MAP3K20: variants seen among roughly 807,000 people sequenced by gnomAD.
The protein encoded by MAP3K20 is mitogen-activated protein kinase kinase kinase 20.
Under a neutral mutation model 85.7 loss-of-function variants are expected in MAP3K20, and 40 were observed. The ratio of observed to expected loss-of-function variants is 0.47; its 90% CI spans 0.36 to 0.61. The LOEUF (loss-of-function observed/expected upper bound fraction) is 0.61. Ranked by LOEUF, MAP3K20 falls within the 20% of genes least tolerant of loss-of-function variation. The probability of loss-of-function intolerance (pLI) is 0.00; values close to 1 mark genes in which losing one functional copy is unlikely to be tolerated. For synonymous variants in MAP3K20, 325 were observed against 327.7 expected, an observed-to-expected ratio of 0.99 and a Z score of 0.09; for missense variants, 817 against 961.7, an observed-to-expected ratio of 0.85 and a Z score of 1.99.
At chr2:173,205,815 T>C (rs1219695880) in intron 9 of MAP3K20, among the ~76,000 whole-genome samples, 2 of 152,226 alleles carry the variant, frequency 1.3e-5, no homozygotes, top group African/African-American at 4.8e-5. Context: ...TAGTATTTGA[T>C]GACACAGTTG....
At chr2:173,119,216 G>A (rs920228498) in intron 2 of MAP3K20, among the ~76,000 whole-genome samples, 1 of 152,206 alleles carries the variant, frequency 6.6e-6, no homozygotes, top group Non-Finnish European at 1.5e-5. Context: ...GTTTGCAGCC[G>A]ACTGGGTGGT....
chr2:173,098,930 C>T (rs1192179807), intron 2 of MAP3K20, among the ~76,000 whole-genome samples: 2 of 152,176 alleles, frequency 1.3e-5, no homozygotes, highest in African/African-American at 4.8e-5. Flanking sequence ...TGGGAGGTAG[C>T]GCCCAGCAAT....
At chr2:173,095,059 C>T (rs1559228512) in intron 2 of MAP3K20, among the ~76,000 whole-genome samples, 1 of 152,048 alleles carries the variant, frequency 6.6e-6, no homozygotes, top group Non-Finnish European at 1.5e-5. Flanking sequence ...TCCTTTCTTC[C>T]TTTAGTCAAC....
chr2:173,124,430 C>T (rs1688384055), intron 2 of MAP3K20, among the ~76,000 whole-genome samples: 1 of 152,012 alleles, frequency 6.6e-6, no homozygotes, highest in Admixed American at 6.6e-5. Context: ...GTGACTGAGA[C>T]CTCATTGGAA....
At chr2:173,109,423 A>G (rs1475728786) in intron 2 of MAP3K20, among the ~76,000 whole-genome samples, 1 of 152,034 alleles carries the variant, frequency 6.6e-6, no homozygotes, top group Non-Finnish European at 1.5e-5. Context: ...TCACCAGTAC[A>G]TGAAACCAAT....
At chr2:173,129,997 A>G (rs959306796) in intron 2 of MAP3K20, among the ~76,000 whole-genome samples, 14 of 152,240 alleles carry the variant, frequency 9.2e-5, no homozygotes, top group African/African-American at 3.4e-4. Flanking sequence ...TTGTTTAAGG[A>G]ACCTCTAAAA....
At position 173,242,699 on chromosome 2, in the gene MAP3K20, CTTTT is replaced by C. The variant is rs68173816; in HGVS notation, c.1359+3225_1359+3228del. On this transcript the variant is annotated intron_variant, in intron 16 of 19. Coordinates refer to ENST00000375213, the MANE Select transcript of MAP3K20 (RefSeq NM_016653.3). ...TGGTCACCCATCCAGAGTAATCTTT[CTTTT>C]TTTTTTTTTTTTTTTTTTTTTAAGA... Among the ~76,000 whole-genome samples, 67 of 80,958 alleles carry C rather than the reference CTTTT, an allele frequency of 8.3e-4. 1 individual carries two copies. The highest frequency in any genetic ancestry group is 2.4e-3 in the Admixed American group (14 of 5,802). 53.1% of individuals were successfully genotyped at this position (80,958 alleles called of 152,430 possible). A position where few individuals can be genotyped will look rare whatever the true frequency, so the allele number is the denominator to read the frequency against.
chr2:173,256,843 T>C (rs188063390), intron 16 of MAP3K20, among the ~76,000 whole-genome samples: 5 of 152,206 alleles, frequency 3.3e-5, no homozygotes, highest in Non-Finnish European at 5.9e-5. Context: ...CTCCTAAATA[T>C]TTCAGTGTGC....
chr2:173,143,886 TAA>T (rs201347842), intron 2 of MAP3K20, among the ~76,000 whole-genome samples: 2 of 151,720 alleles, frequency 1.3e-5, no homozygotes, highest in Non-Finnish European at 2.9e-5. Flanking sequence ...AAAGACAATG[TAA>T]AAAAAAATTA....
chr2:173,102,720 G>A (rs1347943246), intron 2 of MAP3K20, among the ~76,000 whole-genome samples: 3 of 152,166 alleles, frequency 2.0e-5, no homozygotes, highest in African/African-American at 4.8e-5. Flanking sequence ...AGCAAGTAAT[G>A]TACAAAATCA....
At chr2:173,226,165 C>A (rs1006194031) in intron 11 of MAP3K20, 36 of 953,558 alleles carry the variant, frequency 3.8e-5, no homozygotes, top group Non-Finnish European at 6.2e-6. Flanking sequence ...CAAACTTGAT[C>A]CCCATTAAAA....
At chr2:173,246,571 C>T (rs1413678997) in intron 16 of MAP3K20, among the ~76,000 whole-genome samples, 1 of 152,154 alleles carries the variant, frequency 6.6e-6, no homozygotes, top group African/African-American at 2.4e-5. Flanking sequence ...TCAAATCACC[C>T]AGCAGTTTTC....
At chr2:173,093,938 A>G (rs1000954204) in intron 2 of MAP3K20, among the ~76,000 whole-genome samples, 127 of 140,120 alleles carry the variant, frequency 9.1e-4, no homozygotes, top group African/African-American at 3.1e-3. Context: ...GAATTGAACA[A>G]TGAGATCACA....
chr2:173,133,231 G>A (rs1688668096), intron 2 of MAP3K20, among the ~76,000 whole-genome samples: 1 of 152,174 alleles, frequency 6.6e-6, no homozygotes, highest in Non-Finnish European at 1.5e-5. Context: ...GCTTGTATCA[G>A]TGTTTTTATC....
At chr2:173,262,555 G>C (rs749800652) in intron 18 of MAP3K20, among the ~76,000 whole-genome samples, 2 of 151,736 alleles carry the variant, frequency 1.3e-5, no homozygotes, top group Non-Finnish European at 2.9e-5. Context: ...AGCTGAGATT[G>C]CGCCATTGCA....
intron 16 of MAP3K20, among the ~76,000 whole-genome samples, chr2:173,253,036 A>T (rs1275613303): frequency 6.6e-6 from 1 of 151,560 alleles, no homozygotes; most frequent in East Asian, 1.9e-4. Context: ...ATCTCTGATC[A>T]CTCCCTGGTA....
intron 12 of MAP3K20, 98 bp downstream of exon 12, chr2:173,229,831 T>C (rs1180989667): frequency 2.2e-6 from 3 of 1,340,352 alleles, no homozygotes; most frequent in African/African-American, 2.9e-5. Flanking sequence ...TAGGAAAGTC[T>C]AACTAGGAGA....
At chr2:173,230,822 C>T (rs891068152) in intron 12 of MAP3K20, among the ~76,000 whole-genome samples, 1 of 151,944 alleles carries the variant, frequency 6.6e-6, no homozygotes, top group Non-Finnish European at 1.5e-5. Flanking sequence ...ATGGTGAAAC[C>T]CCATCTCTAC....
At chr2:173,258,163 T>C (rs1685201948) in intron 16 of MAP3K20, among the ~76,000 whole-genome samples, 1 of 152,218 alleles carries the variant, frequency 6.6e-6, no homozygotes, top group Admixed American at 6.5e-5. Context: ...AGTTGTCCGT[T>C]ATCATACATC....
Sources: allele counts gnomAD v4.1 joint callset (sites outside exome capture counted in the v4.1 genomes callset), GRCh38; gene constraint gnomAD v4.1.1; transcripts MANE v1.5; gene names NCBI Gene and HGNC (gene_info 2026-07-23, HGNC 2026-07-21).